EXO1: variants seen among roughly 807,000 people sequenced by gnomAD.
The protein encoded by EXO1 is exonuclease 1.
Under a neutral mutation model 84.5 loss-of-function variants are expected in EXO1, and 69 were observed. That is an observed-to-expected ratio of 0.82 (90% CI 0.67 to 1.00). EXO1 has a LOEUF of 1.00. EXO1 is among the 50% of genes least tolerant of loss of function. The pLI, the probability that EXO1 is intolerant of heterozygous loss-of-function variation, is 0.00. For missense variants in EXO1, 1,045 were observed against 1,000.7 expected, an observed-to-expected ratio of 1.04 and a Z score of -0.60; for synonymous variants, 373 against 366.1, an observed-to-expected ratio of 1.02 and a Z score of -0.21.
chr1:241,886,861 T>A (rs746613800), intron 15 of EXO1, among the ~76,000 whole-genome samples: 1 of 152,198 alleles, frequency 6.6e-6, no homozygotes, highest in East Asian at 1.9e-4. Context: ...ATTTTGCAAA[T>A]CTTTACTATC....
In EXO1 at chr1:241,872,086, A is replaced by C. The variant is rs374024849; in HGVS notation, c.1322A>C (p.Lys441Thr). Residue 441 changes from lysine (K) to threonine (T), a missense_variant, in exon 12 of 16, where the codon AAG becomes ACG. Transcript: ENST00000366548. Reference sequence around the variant, plus strand: ...CAGTATTCTCTTTCATTTACGAAGAAGACCAAGAAAAATAGCTCTGAAGGC... The same window carrying C: ...CAGTATTCTCTTTCATTTACGAAGACGACCAAGAAAAATAGCTCTGAAGGC... ...LSQYSLSFTK[K>T]TKKNSSEGNK... The C allele has an allele frequency of 4.3e-5, 69 of 1,613,708 alleles. No individual in the cohort carries two copies. The highest frequency in any genetic ancestry group is 2.5e-4 in the East Asian group (11 of 44,876).
At chr1:241,884,717 G>A (rs1662955106) in intron 14 of EXO1, among the ~76,000 whole-genome samples, 1 of 152,032 alleles carries the variant, frequency 6.6e-6, no homozygotes, top group South Asian at 2.1e-4. Flanking sequence ...GAAGCTGGGA[G>A]CAGCAATTGC....
chr1:241,878,829 A>C lies in EXO1; in HGVS notation c.1595A>C (p.Asp532Ala). 1 of 1,614,156 alleles carries C rather than the reference A, an allele frequency of 6.2e-7. No individual in the cohort carries two copies. The highest frequency in any genetic ancestry group is 8.5e-7 in the Non-Finnish European group (1 of 1,180,012). ...CCTCTGGATGAAACTGCTGTCACAG[A>C]TAAAGAGAACAATCTGCATGAATCA... ...IQPLDETAVTDKENNLHESEY... is the reference protein window; with the variant it reads ...IQPLDETAVTAKENNLHESEY... The change falls in exon 13 of 16, where the codon GAT (aspartate) becomes GCT (alanine). Residue 532 changes from aspartate to alanine, a missense_variant. Asp to Ala is a moderately radical substitution (Grantham distance 126). Coordinates refer to ENST00000366548, the MANE Select transcript of EXO1 (RefSeq NM_130398.4).
At chr1:241,854,159 C>T (rs569414558) in intron 6 of EXO1, among the ~76,000 whole-genome samples, 6 of 152,194 alleles carry the variant, frequency 3.9e-5, no homozygotes, top group South Asian at 2.1e-4. Flanking sequence ...TGTTTTGAGG[C>T]GGAGTTTCAC....
intron 12 of EXO1, 138 bp from the exon 13 acceptor site, chr1:241,878,611 T>A: frequency 1.6e-6 from 1 of 608,822 alleles, no homozygotes. Context: ...TTAAGATTTT[T>A]TATGCCTTTA....
rs778967797 is a variant in EXO1, at chr1:241,867,030, A to G, written c.1242A>G (p.Ser414=). Residue 414 remains serine, a synonymous_variant, in exon 11 of 16, where the codon TCA becomes TCG. Coordinates refer to ENST00000366548, the MANE Select transcript of EXO1 (RefSeq NM_130398.4). ...STKGLNLPRK[S]SIVKRPRSAE... is the part of the protein sequence containing the mutation. ...AAGGGTTAAATCTCCCAAGGAAATC[A>G]TCCATTGTGAAAAGACCAAGAAGTG... The G allele has an allele frequency of 1.2e-6, 2 of 1,613,772 alleles. No homozygotes were observed. Among genetic ancestry groups the G allele is most frequent in the African/African-American group, 1.3e-5 (1 of 75,064 alleles).
In EXO1 at chr1:241,858,662, G is replaced by C. The variant is rs757762593; in HGVS notation, c.700G>C (p.Gly234Arg). 21 of 1,614,076 alleles carry C rather than the reference G, an allele frequency of 1.3e-5. 1 individual carries two copies. In the South Asian group the frequency reaches 2.3e-4, roughly 18 times the overall value. ...CTACCTGTCATCACTGCGTGGGATT[G>C]GATTAGCAAAGGCATGCAAAGTCCT... ...CDYLSSLRGI[G>R]LAKACKVLRL... The change falls in exon 8 of 16, where the codon GGA becomes CGA. Residue 234 changes from glycine (G) to arginine (R), a missense_variant. Coordinates refer to ENST00000366548, the MANE Select transcript of EXO1 (RefSeq NM_130398.4).
intron 15 of EXO1, among the ~76,000 whole-genome samples, chr1:241,888,176 G>T (rs1460272950): frequency 6.6e-6 from 1 of 152,172 alleles, no homozygotes; most frequent in Non-Finnish European, 1.5e-5. Context: ...GGAGGTGGCG[G>T]TTGCAGTGAA....
rs4149967 is a variant in EXO1, at chr1:241,872,272, G to A, written c.1508G>A (p.Arg503Lys). The change falls in exon 12 of 16, where the codon AGA becomes AAA. Residue 503 changes from arginine (R) to lysine (K), a missense_variant. By Grantham distance (26) the Arg-to-Lys change is conservative. Coordinates refer to ENST00000366548, the MANE Select transcript of EXO1 (RefSeq NM_130398.4). ...GGTGCAGTTGTGGTTCCAGGGACCA[G>A]AAGCAGGTATAGTTATGTCTCCAGA... Reference protein sequence around the residue: ...ESGAVVVPGTRSRFFCSSDST... With the variant: ...ESGAVVVPGTKSRFFCSSDST... 2 of 1,613,872 alleles carry A rather than the reference G, an allele frequency of 1.2e-6. No individual in the cohort carries two copies. Among genetic ancestry groups the A allele is most frequent in the African/African-American group, 1.3e-5 (1 of 74,930 alleles).
intron 14 of EXO1, among the ~76,000 whole-genome samples, chr1:241,882,588 A>G (rs1635497): frequency 0.98 from 149,018 of 152,254 alleles, 73,011 homozygotes; most frequent in East Asian, 1. Flanking sequence ...CATATTTTAT[A>G]TATTAAATGT....
chr1:241,870,192 C>T (rs934566933), intron 11 of EXO1, among the ~76,000 whole-genome samples: 2 of 152,168 alleles, frequency 1.3e-5, no homozygotes, highest in African/African-American at 2.4e-5. Flanking sequence ...AGCAAGTTTG[C>T]GAGTTCTTTA....
chr1:241,875,730 T>G (rs1379272879), intron 12 of EXO1, among the ~76,000 whole-genome samples: 1 of 152,058 alleles, frequency 6.6e-6, no homozygotes, highest in Non-Finnish European at 1.5e-5. Flanking sequence ...TACAAAAAAT[T>G]AGCCGGGCGT....
At position 241,885,279 on chromosome 1, in the gene EXO1, A is replaced by G. The variant is rs187589849; in HGVS notation, c.2212-35A>G. The G allele has an allele frequency of 8.3e-5, 121 of 1,456,832 alleles. No homozygotes were observed. The East Asian group carries it at 2.6e-3, about 32-fold the overall frequency. The allele number at this position is 1,456,832 out of a possible 1,614,324, so 90.2% of individuals were successfully genotyped here. A position where few individuals can be genotyped will look rare whatever the true frequency, so the allele number is the denominator to read the frequency against. On this transcript the variant is annotated intron_variant, in intron 14 of 15. Coordinates refer to ENST00000366548, the MANE Select transcript of EXO1 (RefSeq NM_130398.4). ...CTTGAAATTAAAGTTAGTTGCTTTA[A>G]CAGAATGGTCTTAAAATGGGTGTTT...
At chr1:241,850,665 A>T in intron 4 of EXO1, 79 bp downstream of exon 4, 4 of 1,204,112 alleles carry the variant, frequency 3.3e-6, no homozygotes, top group Non-Finnish European at 4.9e-6. Context: ...CCAGAAACGG[A>T]TTGTTTTCAC....
In EXO1 at chr1:241,867,009, G is replaced by GT; in HGVS notation, c.1223dup (p.Leu408PhefsTer22). 6.2e-7 allele frequency: 1 copy of GT among 1,614,068 alleles called. No homozygotes were observed. Among genetic ancestry groups the GT allele is most frequent in the Non-Finnish European group, 8.5e-7 (1 of 1,179,944 alleles). On this transcript the variant is annotated frameshift_variant, in exon 11 of 16. Coordinates refer to ENST00000366548, the MANE Select transcript of EXO1 (RefSeq NM_130398.4). LOFTEE classifies it high-confidence loss of function. ...TGGAACGAGTGATTAGTACTAAAGG[G>GT]TTAAATCTCCCAAGGAAATCATCCA...
chr1:241,873,613 C>A (rs1400128690), intron 12 of EXO1, among the ~76,000 whole-genome samples: 1 of 152,002 alleles, frequency 6.6e-6, no homozygotes, highest in Non-Finnish European at 1.5e-5. Flanking sequence ...GAACCTGATG[C>A]CATGCTAGGT....
chr1:241,885,949 G>C (rs533578897), intron 15 of EXO1, among the ~76,000 whole-genome samples: 43 of 151,844 alleles, frequency 2.8e-4, no homozygotes, highest in Middle Eastern at 3.4e-3. Context: ...CGCCACCTGG[G>C]CTCAAGCAAT....
chr1:241,867,915 A>G (rs1661842085), intron 11 of EXO1, among the ~76,000 whole-genome samples: 1 of 151,838 alleles, frequency 6.6e-6, no homozygotes, highest in African/African-American at 2.4e-5. Flanking sequence ...TCACGTTTCC[A>G]TGTACATTTT....
intron 6 of EXO1, among the ~76,000 whole-genome samples, chr1:241,856,049 G>A (rs1307686727): frequency 6.6e-6 from 1 of 152,230 alleles, no homozygotes; most frequent in African/African-American, 2.4e-5. Context: ...GGGCTGAAGG[G>A]CTCAAGTGCC....
Sources: gnomAD v4.1 joint callset for allele counts (sites outside exome capture counted in the v4.1 genomes callset) on GRCh38, gnomAD v4.1.1 for gene constraint, MANE v1.5 for transcripts, NCBI Gene and HGNC (gene_info 2026-07-23, HGNC 2026-07-21) for gene names.